NDUFB6: variants seen among roughly 807,000 people sequenced by gnomAD.
NDUFB6 encodes NADH:ubiquinone oxidoreductase subunit B6, also known as NADH dehydrogenase [ubiquinone] 1 beta subcomplex subunit 6.
Under a neutral mutation model 17.5 loss-of-function variants are expected in NDUFB6, and 23 were observed. The observed-to-expected ratio is 1.31, with a 90% CI of 0.94 to 1.86. The LOEUF is 1.86. NDUFB6 is among the 40% of genes most tolerant of loss of function. The probability of loss-of-function intolerance (pLI) is 0.00; values close to 1 mark genes in which losing one functional copy is unlikely to be tolerated. For missense variants in NDUFB6, 167 were observed against 153.8 expected, an observed-to-expected ratio of 1.09 and a Z score of -0.46; for synonymous variants, 60 against 53.5, an observed-to-expected ratio of 1.12 and a Z score of -0.53.
chr9:32,559,393 A>G (rs920419679), intron 2 of NDUFB6, among the ~76,000 whole-genome samples: 3 of 152,198 alleles, frequency 2.0e-5, no homozygotes, highest in East Asian at 3.8e-4. Flanking sequence ...GTGCCCTCCT[A>G]TGCAAATGAA....
At chr9:32,566,425 T>G in intron 2 of NDUFB6, 1 of 852,912 alleles carries the variant, frequency 1.2e-6, no homozygotes, top group Non-Finnish European at 2.1e-6. Flanking sequence ...GCTCTCCCTG[T>G]TACTGTAGGG....
In NDUFB6 at chr9:32,569,347, T is replaced by C. The variant is rs545723770; in HGVS notation, c.273+1613A>G. ...GATTCTTCTGCCTCAACCTCCCGAA[T>C]AGCTGGGACTACAGGCGCCCGCCAC... On this transcript the variant is annotated intron_variant, in intron 2 of 3. Coordinates refer to ENST00000379847, the MANE Select transcript of NDUFB6 (RefSeq NM_002493.5). 4.6e-5 allele frequency among the ~76,000 whole-genome samples: 7 copies of C among 152,208 alleles called. 1 individual carries two copies. In the East Asian group the frequency reaches 5.8e-4, roughly 13 times the overall value.
At chr9:32,559,272 A>C (rs927883672) in intron 2 of NDUFB6, among the ~76,000 whole-genome samples, 2 of 152,188 alleles carry the variant, frequency 1.3e-5, no homozygotes, top group Non-Finnish European at 2.9e-5. Flanking sequence ...ATTCTATCTT[A>C]AGAATATACC....
intron 2 of NDUFB6, chr9:32,566,402 A>C: frequency 3.1e-6 from 3 of 955,222 alleles, no homozygotes; most frequent in South Asian, 2.6e-5. Flanking sequence ...TTCCAGGTCC[A>C]GAAGAGGAGC....
rs762045301 is a variant in NDUFB6, at chr9:32,571,060, GA to G, written c.181-9del. On this transcript the variant is annotated splice_polypyrimidine_tract_variant and intron_variant, in intron 1 of 3. Coordinates refer to ENST00000379847, the MANE Select transcript of NDUFB6 (RefSeq NM_002493.5). ...TTTGTATACCCCATGGACCTGGGGGGAAAAACACATACACAAAATAAACATA... is the reference window on the plus strand; with the variant it reads ...TTTGTATACCCCATGGACCTGGGGGGAAAACACATACACAAAATAAACATA... 11 of 1,557,136 alleles carry G rather than the reference GA, an allele frequency of 7.1e-6. No homozygotes were observed. Among genetic ancestry groups the G allele is most frequent in the Non-Finnish European group, 9.7e-6 (11 of 1,138,224 alleles).
Position 32,553,175 on chromosome 9 carries a change from A to G in NDUFB6, c.*701T>C, listed in dbSNP as rs2118991251. 1 of 337,004 alleles carries G rather than the reference A, an allele frequency of 3.0e-6. No individual in the cohort carries two copies. Among genetic ancestry groups the G allele is most frequent in the Non-Finnish European group, 5.4e-6 (1 of 185,900 alleles). 20.9% of individuals were successfully genotyped at this position (337,004 alleles called of 1,614,324 possible). On this transcript the variant is annotated 3_prime_UTR_variant, in exon 4 of 4. Transcript: ENST00000379847. ...ATAAGCTTTTCAATCAAGTTTCTAA[A>G]TTCTTCAAAAATGATTCGGAAAGCT...
At chr9:32,569,322 G>C (rs1441067569) in intron 2 of NDUFB6, among the ~76,000 whole-genome samples, 1 of 152,028 alleles carries the variant, frequency 6.6e-6, no homozygotes, top group African/African-American at 2.4e-5. Context: ...AGGTTCAAGT[G>C]ATTCTTCTGC....
intron 2 of NDUFB6, chr9:32,567,952 A>C (rs886400416): frequency 5.9e-6 from 1 of 168,256 alleles, no homozygotes; most frequent in African/African-American, 2.4e-5. Context: ...TGGTAGGCTG[A>C]GGCAGGAGAA....
intron 3 of NDUFB6, 101 bp downstream of exon 3, chr9:32,558,809 G>T: frequency 1.2e-6 from 1 of 805,282 alleles, no homozygotes; most frequent in South Asian, 2.2e-5. Context: ...AACCGAAAGT[G>T]AGAAGGAAAG....
chr9:32,567,230 C>G, intron 2 of NDUFB6: 4 of 474,028 alleles, frequency 8.4e-6, no homozygotes, highest in Non-Finnish European at 1.7e-5. Flanking sequence ...ACCAGGTGTG[C>G]TCTGCAAAAC....
chr9:32,558,768 T>A, intron 3 of NDUFB6, 142 bp downstream of exon 3: 1 of 514,714 alleles, frequency 1.9e-6, no homozygotes. Flanking sequence ...TTTGTTTTGT[T>A]TTTTACAAGA....
chr9:32,556,401 C>G (rs143131532), intron 3 of NDUFB6, among the ~76,000 whole-genome samples: 147 of 152,306 alleles, frequency 9.7e-4, no homozygotes, highest in African/African-American at 3.4e-3. Flanking sequence ...ACCTCATATT[C>G]GATAGGCACG....
intron 2 of NDUFB6, among the ~76,000 whole-genome samples, chr9:32,561,047 TAATGA>T (rs1436803146): frequency 6.6e-6 from 1 of 152,204 alleles, no homozygotes; most frequent in Non-Finnish European, 1.5e-5. Flanking sequence ...AACAGATGTA[TAATGA>T]AATGAAGTAG....
chr9:32,563,155 A>G (rs1205250500), intron 2 of NDUFB6, among the ~76,000 whole-genome samples: 1 of 152,200 alleles, frequency 6.6e-6, no homozygotes, highest in Non-Finnish European at 1.5e-5. Context: ...TTCTTATTGC[A>G]GCCTATCAAG....
At chr9:32,565,904 G>A (rs918637485) in intron 2 of NDUFB6, among the ~76,000 whole-genome samples, 22 of 152,202 alleles carry the variant, frequency 1.4e-4, no homozygotes, top group Middle Eastern at 6.8e-3. Flanking sequence ...CCCGGGAGGC[G>A]GAGGTTGCAG....
At chr9:32,560,245 A>G (rs1333337907) in intron 2 of NDUFB6, among the ~76,000 whole-genome samples, 4 of 152,244 alleles carry the variant, frequency 2.6e-5, no homozygotes, top group Non-Finnish European at 4.4e-5. Context: ...CTCTACTGAC[A>G]CAAAATGTTT....
intron 1 of NDUFB6, 147 bp downstream of exon 1, chr9:32,572,734 T>G (rs1821970146): frequency 3.1e-6 from 2 of 652,664 alleles, no homozygotes; most frequent in Non-Finnish European, 4.9e-6. Context: ...CTCCCGAGAC[T>G]CCAGGAGGAC....
In NDUFB6 at chr9:32,573,146, G is replaced by A. The variant is rs1821984179; in HGVS notation, c.-86C>T. 5.1e-6 allele frequency: 7 copies of A among 1,368,556 alleles called. No individual in the cohort carries two copies. The South Asian group carries it at 9.0e-5, about 18-fold the overall frequency. The allele number at this position is 1,368,556 out of a possible 1,614,324, so 84.8% of individuals were successfully genotyped here. ...TAAGCGCGCTCCCGCTCTGCAAAGC[G>A]ACCTTGCGGGAACGCCGAGCGCCGC... On this transcript the variant is annotated 5_prime_UTR_variant, in exon 1 of 4. Transcript: ENST00000379847.
At chr9:32,559,466 C>G (rs1007318663) in intron 2 of NDUFB6, among the ~76,000 whole-genome samples, 3 of 152,176 alleles carry the variant, frequency 2.0e-5, no homozygotes, top group Non-Finnish European at 4.4e-5. Flanking sequence ...TCACTCTGCT[C>G]AAAGTTTCAT....
Sources: allele counts gnomAD v4.1 joint callset (sites outside exome capture counted in the v4.1 genomes callset), GRCh38; gene constraint gnomAD v4.1.1; transcripts MANE v1.5; gene names NCBI Gene and HGNC (gene_info 2026-07-23, HGNC 2026-07-21).